KDM4C: variants seen among roughly 807,000 people sequenced by gnomAD.
KDM4C encodes the protein lysine-specific demethylase 4C.
In KDM4C, 81 loss-of-function variants were observed where a neutral mutation model predicts 129.3. That is an observed-to-expected ratio of 0.63 (90% confidence interval 0.52 to 0.75). The LOEUF is 0.75. KDM4C is among the 30% of genes least tolerant of loss of function. The probability of loss-of-function intolerance (pLI) is 0.00; values close to 1 mark genes in which losing one functional copy is unlikely to be tolerated. For synonymous variants in KDM4C, 573 were observed against 456.1 expected (o/e 1.26, Z -3.26); for missense variants, 1,457 against 1,304.0 (o/e 1.12, Z -1.81).
At chr9:6,785,341 C>CTTT (rs112696938) in intron 1 of KDM4C, among the ~76,000 whole-genome samples, 7 of 145,472 alleles carry the variant, frequency 4.8e-5, no homozygotes, top group African/African-American at 5.1e-5. Flanking sequence ...TCCTCTTCCT[C>CTTT]TTTTTTTTTT....
chr9:6,954,557 C>A (rs10975933), intron 8 of KDM4C, among the ~76,000 whole-genome samples: 6 of 151,956 alleles, frequency 3.9e-5, no homozygotes, highest in East Asian at 1.9e-4. Context: ...CCTTATTGAT[C>A]TATCTATAAA....
At chr9:7,165,800 G>C (rs1844319937) in intron 20 of KDM4C, among the ~76,000 whole-genome samples, 1 of 152,232 alleles carries the variant, frequency 6.6e-6, no homozygotes, top group African/African-American at 2.4e-5. Flanking sequence ...CTAGACAACA[G>C]TGCATTGACA....
At chr9:7,029,144 C>G (rs1826304587) in intron 15 of KDM4C, among the ~76,000 whole-genome samples, 1 of 152,176 alleles carries the variant, frequency 6.6e-6, no homozygotes, top group African/African-American at 2.4e-5. Context: ...AAAATCCTCT[C>G]ATTACTTTTG....
In KDM4C at chr9:6,986,413, G is replaced by A. The variant is rs1817711464; in HGVS notation, c.1424G>A (p.Arg475Lys). 2 of 1,613,898 alleles carry A rather than the reference G, an allele frequency of 1.2e-6. No homozygotes were observed. The highest frequency in any genetic ancestry group is 1.7e-5 in the Admixed American group (1 of 59,992). ...GAGGATGACAAAGCTTATGCATATA[G>A]AAGTGTACCTTCTATATCCAGTGAG... ...KTEDDKAYAY[R>K]SVPSISSEAD... is the part of the protein sequence containing the mutation. The change falls in exon 11 of 22, where the codon AGA (arginine) becomes AAA (lysine). Residue 475 changes from arginine (R) to lysine (K), a missense_variant. By Grantham distance (26) the Arg-to-Lys change is conservative. Coordinates refer to ENST00000381309, the MANE Select transcript of KDM4C (RefSeq NM_015061.6).
chr9:6,967,828 C>G (rs1374038887), intron 8 of KDM4C, among the ~76,000 whole-genome samples: 1 of 152,138 alleles, frequency 6.6e-6, no homozygotes, highest in African/African-American at 2.4e-5. Context: ...GAGTTTTTAG[C>G]AGTACAGATA....
At chr9:6,822,798 G>A (rs1279205926) in intron 4 of KDM4C, among the ~76,000 whole-genome samples, 1 of 152,264 alleles carries the variant, frequency 6.6e-6, no homozygotes, top group Non-Finnish European at 1.5e-5. Context: ...CAAGTCAGCA[G>A]ATGTCTGTAG....
At chr9:6,941,936 C>T (rs911352729) in intron 8 of KDM4C, 2 of 152,096 alleles carry the variant, frequency 1.3e-5, no homozygotes, top group African/African-American at 2.4e-5. Flanking sequence ...ATTTGAATTA[C>T]ATTAATTGCC....
chr9:6,748,527 TTTATTA>T (rs1193719592), intron 1 of KDM4C, among the ~76,000 whole-genome samples: 2 of 150,562 alleles, frequency 1.3e-5, no homozygotes, highest in African/African-American at 4.9e-5. Context: ...AAAAAAAAGA[TTTATTA>T]TTATTATTAG....
At chr9:6,827,349 A>T (rs1444409118) in intron 4 of KDM4C, among the ~76,000 whole-genome samples, 2 of 152,230 alleles carry the variant, frequency 1.3e-5, no homozygotes, top group Non-Finnish European at 2.9e-5. Flanking sequence ...ACTAAATTCA[A>T]TGATAGTGAA....
At chr9:7,092,610 G>A (rs760219331) in intron 17 of KDM4C, among the ~76,000 whole-genome samples, 4 of 152,208 alleles carry the variant, frequency 2.6e-5, no homozygotes, top group East Asian at 1.9e-4. Context: ...TTTTACTGCC[G>A]TGAAGCTTGC....
intron 1 of KDM4C, among the ~76,000 whole-genome samples, chr9:6,788,962 G>A (rs1024934566): frequency 1.3e-5 from 2 of 152,094 alleles, no homozygotes; most frequent in East Asian, 1.9e-4. Flanking sequence ...AAGTCAGTGA[G>A]TATTGTTGGA....
chr9:7,007,170 C>T (rs1490850112), intron 12 of KDM4C, among the ~76,000 whole-genome samples: 2 of 152,218 alleles, frequency 1.3e-5, no homozygotes, highest in Non-Finnish European at 2.9e-5. Flanking sequence ...GACAAAGTTC[C>T]ACATACCTTG....
intron 5 of KDM4C, among the ~76,000 whole-genome samples, chr9:6,876,779 G>A (rs1238542496): frequency 6.6e-6 from 1 of 152,122 alleles, no homozygotes; most frequent in African/African-American, 2.4e-5. Context: ...AGGGCTGTCT[G>A]TCAGCCTACA....
At chr9:6,938,786 G>A (rs1159018582) in intron 8 of KDM4C, among the ~76,000 whole-genome samples, 1 of 152,100 alleles carries the variant, frequency 6.6e-6, no homozygotes, top group Non-Finnish European at 1.5e-5. Flanking sequence ...AAAGAGAAGA[G>A]TCTGAGGAGA....
intron 15 of KDM4C, among the ~76,000 whole-genome samples, chr9:7,038,900 A>G (rs1828096530): frequency 6.6e-6 from 1 of 152,034 alleles, no homozygotes; most frequent in Admixed American, 6.6e-5. Context: ...ATGAAGAGCC[A>G]TTGAACTTTT....
rs183136836 is a variant in KDM4C, at chr9:6,891,042, C to T, written c.784-2053C>T. ...GAATTGTTGGGAAAAATAATACTTT[C>T]CCCATCTCCAATACCATTTTAGCAT... is the stretch of plus-strand genomic sequence containing the variant. On this transcript the variant is annotated intron_variant, in intron 7 of 21. Transcript: ENST00000381309. 1.4e-4 allele frequency among the ~76,000 whole-genome samples: 21 copies of T among 152,276 alleles called. No homozygotes were observed. The East Asian group carries it at 3.1e-3, about 22-fold the overall frequency.
At chr9:7,111,516 T>C (rs184215573) in intron 18 of KDM4C, among the ~76,000 whole-genome samples, 1 of 152,318 alleles carries the variant, frequency 6.6e-6, no homozygotes, top group East Asian at 1.9e-4. Flanking sequence ...TTTACGTTTA[T>C]ATAACTTGCT....
At chr9:6,793,316 A>C (rs923292674) in intron 2 of KDM4C, among the ~76,000 whole-genome samples, 184 bp downstream of exon 2, 3 of 151,992 alleles carry the variant, frequency 2.0e-5, no homozygotes, top group African/African-American at 7.2e-5. Flanking sequence ...TTCAAGTATA[A>C]CTATTCATAC....
chr9:6,941,189 G>A (rs1046189414), intron 8 of KDM4C, among the ~76,000 whole-genome samples: 4 of 151,972 alleles, frequency 2.6e-5, no homozygotes, highest in African/African-American at 9.7e-5. Context: ...TTGTATTTGT[G>A]GCAGAGATAG....
Sources: allele counts gnomAD v4.1 joint callset (sites outside exome capture counted in the v4.1 genomes callset), GRCh38; gene constraint gnomAD v4.1.1; transcripts MANE v1.5; gene names NCBI Gene and HGNC (gene_info 2026-07-23, HGNC 2026-07-21).